Variants in REDIC1 observed in about 807,000 individuals in gnomAD.
REDIC1 encodes the protein regulator of DNA class I crossover intermediates 1, also known as HEI10 Interacting Protein 1.
At chr12:39,830,434 C>A in the REDIC1 span, 1 of 1,277,392 alleles carries the variant, frequency 7.8e-7, no homozygotes, top group Non-Finnish European at 9.9e-7. Context: ...TTGGCCACAG[C>A]AACTTTGGAA....
the REDIC1 span, among the ~76,000 whole-genome samples, chr12:39,695,157 G>A: frequency 6.6e-6 from 1 of 152,138 alleles, no homozygotes; most frequent in Non-Finnish European, 1.5e-5. Context: ...GGCATCAGGT[G>A]GGCCTGAGTA....
the REDIC1 span, among the ~76,000 whole-genome samples, chr12:39,702,249 G>T: frequency 6.6e-6 from 1 of 152,004 alleles, no homozygotes; most frequent in Non-Finnish European, 1.5e-5. Context: ...TGATAAAGGG[G>T]ATATCACCAC....
the REDIC1 span, among the ~76,000 whole-genome samples, chr12:39,700,311 G>A: frequency 0.01 from 1,540 of 152,276 alleles, 21 homozygotes; most frequent in African/African-American, 0.034. Context: ...CTCAGGAGCC[G>A]ATGCGATCAA....
chr12:39,653,307 T>A, the REDIC1 span, among the ~76,000 whole-genome samples: 1 of 152,014 alleles, frequency 6.6e-6, no homozygotes, highest in African/African-American at 2.4e-5. Context: ...CTTTCCCAAT[T>A]TCATTTTTGG....
chr12:39,752,986 G>A, the REDIC1 span, among the ~76,000 whole-genome samples: 4 of 152,172 alleles, frequency 2.6e-5, no homozygotes, highest in Admixed American at 1.3e-4. Context: ...AGCAGGTGGC[G>A]AGGCCCGCAG....
chr12:39,717,126 TATATATACATATATATG>T, the REDIC1 span, among the ~76,000 whole-genome samples: 3 of 144,040 alleles, frequency 2.1e-5, no homozygotes, highest in African/African-American at 7.4e-5. Context: ...TATACATACA[TATATATACATATATATG>T]TTATATATAT....
chr12:39,747,186 T>G, the REDIC1 span, among the ~76,000 whole-genome samples: 1 of 152,138 alleles, frequency 6.6e-6, no homozygotes, highest in Non-Finnish European at 1.5e-5. Flanking sequence ...GAAAAAAGAT[T>G]AGATGAATAG....
chr12:39,745,609 C>A, the REDIC1 span, among the ~76,000 whole-genome samples: 2 of 152,114 alleles, frequency 1.3e-5, no homozygotes, highest in African/African-American at 4.8e-5. Flanking sequence ...TTATAAAATG[C>A]AAATTTCACC....
At chr12:39,700,990 A>G in the REDIC1 span, among the ~76,000 whole-genome samples, 1 of 152,144 alleles carries the variant, frequency 6.6e-6, no homozygotes, top group African/African-American at 2.4e-5. Context: ...TCATGCCAAA[A>G]TGTAAAGACC....
the REDIC1 span, among the ~76,000 whole-genome samples, chr12:39,725,833 A>C: frequency 6.6e-6 from 1 of 152,038 alleles, no homozygotes; most frequent in Admixed American, 6.6e-5. Flanking sequence ...CAACCGTATG[A>C]GATAATACAC....
chr12:39,726,962 C>G, the REDIC1 span, among the ~76,000 whole-genome samples: 1 of 152,148 alleles, frequency 6.6e-6, no homozygotes, highest in Non-Finnish European at 1.5e-5. Flanking sequence ...TAAATGTCTT[C>G]TTTTGAGAAG....
chr12:39,838,154 C>T, the REDIC1 span, among the ~76,000 whole-genome samples: 100,431 of 144,074 alleles, frequency 0.7, 35,903 homozygotes, highest in African/African-American at 0.84. Flanking sequence ...TGGAATACTA[C>T]GCAGCCATAA....
At chr12:39,659,176 C>T in the REDIC1 span, among the ~76,000 whole-genome samples, 1 of 151,788 alleles carries the variant, frequency 6.6e-6, no homozygotes, top group Non-Finnish European at 1.5e-5. Context: ...AGTTTGCTGT[C>T]ATTATCTTAA....
At chr12:39,713,075 G>T in the REDIC1 span, among the ~76,000 whole-genome samples, 1 of 145,674 alleles carries the variant, frequency 6.9e-6, no homozygotes, top group Non-Finnish European at 1.5e-5. Flanking sequence ...GTATACACGT[G>T]CATACGTGTA....
chr12:39,894,527 T>C, the REDIC1 span, among the ~76,000 whole-genome samples: 1 of 152,238 alleles, frequency 6.6e-6, no homozygotes, highest in Non-Finnish European at 1.5e-5. Flanking sequence ...GTCCTCCTGC[T>C]GAATTGATTT....
the REDIC1 span, among the ~76,000 whole-genome samples, chr12:39,887,552 G>A: frequency 6.6e-6 from 1 of 152,348 alleles, no homozygotes; most frequent in South Asian, 2.1e-4. Context: ...TGTGTATCAC[G>A]GTGATGGTGG....
At chr12:39,714,244 T>C in the REDIC1 span, among the ~76,000 whole-genome samples, 12 of 141,616 alleles carry the variant, frequency 8.5e-5, 2 homozygotes, top group East Asian at 1.4e-3. Flanking sequence ...TGTATATATG[T>C]ATATACGTAT....
the REDIC1 span, among the ~76,000 whole-genome samples, chr12:39,726,313 G>A: frequency 1.4e-4 from 21 of 151,666 alleles, no homozygotes; most frequent in East Asian, 3.9e-3. Context: ...CCCTCCCCTA[G>A]CCCCCCACAC....
the REDIC1 span, chr12:39,759,874 T>A: frequency 1.7e-6 from 1 of 599,834 alleles, no homozygotes; most frequent in Admixed American, 3.1e-5. Flanking sequence ...ATCATGGTTG[T>A]ATCTTCCTCC....
Sources: allele counts gnomAD v4.1 joint callset (sites outside exome capture counted in the v4.1 genomes callset), GRCh38; gene constraint gnomAD v4.1.1; transcripts MANE v1.5; gene names NCBI Gene and HGNC (gene_info 2026-07-23, HGNC 2026-07-21).